FGFR2: variants seen among roughly 807,000 people sequenced by gnomAD.
FGFR2 encodes the protein BEK fibroblast growth factor receptor.
In FGFR2, 19 loss-of-function variants were observed where a neutral mutation model predicts 95.9. That is an observed-to-expected ratio of 0.20 (90% confidence interval 0.14 to 0.29). The LOEUF is 0.29. Among genes scored for constraint, FGFR2 ranks in the 10% least tolerant of loss-of-function variants. FGFR2 has a pLI of 1.00. For missense variants in FGFR2, 707 were observed against 1,056.9 expected (o/e 0.67, Z 4.59); for synonymous variants, 392 against 393.3 (o/e 1.00, Z 0.04).
In FGFR2 at chr10:121,518,531, A is replaced by G; in HGVS notation, c.940-1068T>C. The G allele has an allele frequency of 1.2e-6, 1 of 834,962 alleles. No individual in the cohort carries two copies. The highest frequency in any genetic ancestry group is 1.8e-6 in the Non-Finnish European group (1 of 544,624). The allele number at this position is 834,962 out of a possible 1,614,324, so 51.7% of individuals were successfully genotyped here. A position where few individuals can be genotyped will look rare whatever the true frequency, so the allele number is the denominator to read the frequency against. On this transcript the variant is annotated intron_variant, in intron 7 of 17. Transcript: ENST00000358487. This position sits in a 1 kb window ranked among gnomAD's most constrained non-coding sequence, Gnocchi z 4.0. ...TTTCCATGGCTACTGGCATCATACCAGCTGCATCACCGAAGAAAGATTATT... is the reference window on the plus strand; with the variant it reads ...TTTCCATGGCTACTGGCATCATACCGGCTGCATCACCGAAGAAAGATTATT...
chr10:121,550,483 G>A (rs1855219519), intron 5 of FGFR2, among the ~76,000 whole-genome samples: 1 of 152,186 alleles, frequency 6.6e-6, no homozygotes, highest in African/African-American at 2.4e-5. Flanking sequence ...AGGGAGTGAT[G>A]AGACTAAAAT....
intron 6 of FGFR2, among the ~76,000 whole-genome samples, chr10:121,524,052 C>T (rs1850934270): frequency 6.6e-6 from 1 of 150,520 alleles, no homozygotes; most frequent in Non-Finnish European, 1.5e-5. Flanking sequence ...GGTCAAAGTG[C>T]TGCTGAGCTC....
At chr10:121,556,727 C>A (rs1390321665) in intron 4 of FGFR2, among the ~76,000 whole-genome samples, 1 of 152,098 alleles carries the variant, frequency 6.6e-6, no homozygotes, top group Non-Finnish European at 1.5e-5. Context: ...CCGCGGCCAC[C>A]AATGACTGCC....
chr10:121,585,992 T>G (rs1353742514), intron 2 of FGFR2, among the ~76,000 whole-genome samples: 3 of 152,202 alleles, frequency 2.0e-5, no homozygotes, highest in Non-Finnish European at 4.4e-5. Flanking sequence ...AACCTAAACT[T>G]AACCATTGCA....
chr10:121,481,509 A>G (rs1844679652), intron 17 of FGFR2, among the ~76,000 whole-genome samples: 1 of 152,220 alleles, frequency 6.6e-6, no homozygotes. Context: ...TTCCAACAAC[A>G]TCAGCATTAA....
intron 9 of FGFR2, among the ~76,000 whole-genome samples, chr10:121,513,769 G>A (rs575548320): frequency 1.3e-5 from 2 of 152,044 alleles, no homozygotes; most frequent in African/African-American, 4.8e-5. Flanking sequence ...TTGGTCATTC[G>A]CCTACGCTTG....
chr10:121,557,375 C>A (rs1245241424), intron 4 of FGFR2, among the ~76,000 whole-genome samples: 1 of 152,152 alleles, frequency 6.6e-6, no homozygotes, highest in African/African-American at 2.4e-5. Flanking sequence ...GTGGTACAAC[C>A]ACAGCTCACT....
intron 13 of FGFR2, among the ~76,000 whole-genome samples, chr10:121,492,276 A>G (rs1334928291): frequency 6.6e-6 from 1 of 152,214 alleles, no homozygotes; most frequent in Non-Finnish European, 1.5e-5. Context: ...TTTGAGCTAA[A>G]AATAGTAAGG....
Position 121,555,371 on chromosome 10 carries a change from CTCAATCAA to C in FGFR2, c.455-3920_455-3913del, listed in dbSNP as rs3036011. Among the ~76,000 whole-genome samples the C allele has an allele frequency of 3.2e-4, 46 of 142,804 alleles. No individual in the cohort carries two copies. In the South Asian group the frequency reaches 6.4e-3, roughly 20 times the overall value. The allele number at this position is 142,804 out of a possible 152,430, so 93.7% of individuals were successfully genotyped here. A position where few individuals can be genotyped will look rare whatever the true frequency, so the allele number is the denominator to read the frequency against. ...CTGGGCGACAAGAGCAAAACTCTGT[CTCAATCAA>C]TCAATCAATCAATCAATCAATCAAA... On this transcript the variant is annotated intron_variant, in intron 4 of 17. Transcript: ENST00000358487.
intron 16 of FGFR2, among the ~76,000 whole-genome samples, chr10:121,484,670 A>G (rs1462186223): frequency 3.3e-5 from 5 of 152,212 alleles, no homozygotes; most frequent in African/African-American, 4.8e-5. Context: ...ATTCTATTGC[A>G]CCAGGCACAC....
chr10:121,520,631 T>C (rs1272768617), intron 6 of FGFR2, among the ~76,000 whole-genome samples: 1 of 152,158 alleles, frequency 6.6e-6, no homozygotes, highest in Non-Finnish European at 1.5e-5. Flanking sequence ...AATAGGCACA[T>C]GTCTCCCAAT....
chr10:121,494,451 C>T (rs1281581366), intron 13 of FGFR2, among the ~76,000 whole-genome samples: 3 of 152,044 alleles, frequency 2.0e-5, no homozygotes, highest in Admixed American at 6.5e-5. Flanking sequence ...ACCACATTTC[C>T]CCTAGTAGCA....
rs1367163800 is a variant in FGFR2, at chr10:121,524,096, A to ATG, written c.749-3929_749-3928dup. Among the ~76,000 whole-genome samples, 1,023 of 111,548 alleles carry ATG rather than the reference A, an allele frequency of 9.2e-3. 8 individuals carry two copies. Among genetic ancestry groups the ATG allele is most frequent in the East Asian group, 0.034 (118 of 3,422 alleles). The allele number at this position is 111,548 out of a possible 152,430, so 73.2% of individuals were successfully genotyped here. Reference sequence around the variant, plus strand: ...AAGTTATTCCAATGCTATCCCGGCTATGTATACACACACACACACACACAC... The same window carrying ATG: ...AAGTTATTCCAATGCTATCCCGGCTATGTGTATACACACACACACACACACAC... On this transcript the variant is annotated intron_variant, in intron 6 of 17. Transcript: ENST00000358487.
intron 6 of FGFR2, among the ~76,000 whole-genome samples, chr10:121,532,131 G>A (rs1490826446): frequency 1.3e-5 from 2 of 152,170 alleles, no homozygotes; most frequent in Admixed American, 1.3e-4. Flanking sequence ...AGAATTCACT[G>A]GCAGCAAAGT....
At chr10:121,593,138 A>G (rs1411083017) in intron 2 of FGFR2, among the ~76,000 whole-genome samples, 3 of 152,210 alleles carry the variant, frequency 2.0e-5, no homozygotes, top group Non-Finnish European at 2.9e-5. Context: ...AAGTTTACCT[A>G]AACTAGAATC....
intron 2 of FGFR2, among the ~76,000 whole-genome samples, chr10:121,575,286 G>T (rs45631624): frequency 6.6e-6 from 1 of 152,102 alleles, no homozygotes. Context: ...GTGAGTCACC[G>T]TGTCTCCCAA....
At chr10:121,522,253 CT>C (rs1477158867) in intron 6 of FGFR2, among the ~76,000 whole-genome samples, 1 of 152,200 alleles carries the variant, frequency 6.6e-6, no homozygotes. Context: ...GTATTGTACA[CT>C]GAAAACTTAG....
At chr10:121,567,585 C>CA (rs1247107983) in intron 2 of FGFR2, among the ~76,000 whole-genome samples, 1 of 152,142 alleles carries the variant, frequency 6.6e-6, no homozygotes, top group African/African-American at 2.4e-5. Context: ...ACGATAGATA[C>CA]AAAATCTACA....
At chr10:121,555,461 G>A (rs1447994788) in intron 4 of FGFR2, among the ~76,000 whole-genome samples, 1 of 152,182 alleles carries the variant, frequency 6.6e-6, no homozygotes, top group East Asian at 1.9e-4. Context: ...CCTTAGAGGT[G>A]TATGAAGAGC....
Sources: allele counts gnomAD v4.1 joint callset (sites outside exome capture counted in the v4.1 genomes callset), GRCh38; gene constraint gnomAD v4.1.1; non-coding constraint Gnocchi (gnomAD v3.1); transcripts MANE v1.5; gene names NCBI Gene and HGNC (gene_info 2026-07-23, HGNC 2026-07-21).